FGD4: variants seen among roughly 807,000 people sequenced by gnomAD.
The protein encoded by FGD4 is FYVE, RhoGEF and PH domain containing 4.
Under a neutral mutation model 102.0 loss-of-function variants are expected in FGD4, and 42 were observed. That is an observed-to-expected ratio of 0.41 (90% CI 0.32 to 0.53). FGD4 has a LOEUF of 0.53. Among genes scored for constraint, FGD4 ranks in the 20% least tolerant of loss-of-function variants. The pLI is 0.21. For missense variants in FGD4, 902 were observed against 1,078.2 expected (o/e 0.84, Z 2.29); for synonymous variants, 380 against 375.7 (o/e 1.01, Z -0.13).
chr12:32,400,542 T>G (rs1361471814), intron 1 of FGD4, among the ~76,000 whole-genome samples: 1 of 152,242 alleles, frequency 6.6e-6, no homozygotes, highest in Non-Finnish European at 1.5e-5. Flanking sequence ...TAATGCGGTG[T>G]TTTGATTTCT....
intron 1 of FGD4, among the ~76,000 whole-genome samples, chr12:32,523,788 C>T (rs534396777): frequency 6.6e-6 from 1 of 151,720 alleles, no homozygotes; most frequent in African/African-American, 2.4e-5. Flanking sequence ...TCCTGGCTAA[C>T]ACGGTGAAAC....
At position 32,575,927 on chromosome 12, in the gene FGD4, A is replaced by G. The variant is rs73305550; in HGVS notation, c.320-339A>G. On this transcript the variant is annotated intron_variant, in intron 2 of 16. Transcript: ENST00000534526. ...AGGATTTAGTTTTAAATTTAGCATC[A>G]CCTTTTCCCTGTTGAGATGAATAAC... Among the ~76,000 whole-genome samples, 2,153 of 152,314 alleles carry G rather than the reference A, an allele frequency of 0.014. 46 individuals carry two copies. The highest frequency in any genetic ancestry group is 0.048 in the African/African-American group (1,999 of 41,560).
chr12:32,434,792 T>A (rs1272583308), intron 1 of FGD4, among the ~76,000 whole-genome samples: 1 of 152,238 alleles, frequency 6.6e-6, no homozygotes, highest in African/African-American at 2.4e-5. Flanking sequence ...CACAATGTGT[T>A]GAGGCACCAT....
chr12:32,540,579 T>TG (rs1565819731), intron 1 of FGD4, among the ~76,000 whole-genome samples: 3 of 150,918 alleles, frequency 2.0e-5, no homozygotes, highest in Admixed American at 6.6e-5. Context: ...TTTTTTTTTT[T>TG]TGTGAGACAG....
In FGD4 at chr12:32,634,091, T is replaced by A. The variant is rs940033987; in HGVS notation, c.2313+402T>A. Among the ~76,000 whole-genome samples, 3 of 152,250 alleles carry A rather than the reference T, an allele frequency of 2.0e-5. No individual in the cohort carries two copies. The East Asian group carries it at 5.8e-4, about 29-fold the overall frequency. The stretch of plus-strand genomic sequence containing the variant: ...CAATTTGTATAATGAGCAAGATTTA[T>A]GCTTTTGTTCTATTTTGCTGACTTT... On this transcript the variant is annotated intron_variant, in intron 15 of 16. Coordinates refer to ENST00000534526, the MANE Select transcript of FGD4 (RefSeq NM_001370298.3).
intron 4 of FGD4, among the ~76,000 whole-genome samples, chr12:32,596,671 C>T (rs778641231): frequency 2.0e-4 from 31 of 151,514 alleles, no homozygotes; most frequent in Admixed American, 4.6e-4. Context: ...CGCATTGGCT[C>T]ATGCCTGTAA....
At chr12:32,621,242 C>A (rs1949826126) in intron 11 of FGD4, among the ~76,000 whole-genome samples, 1 of 152,046 alleles carries the variant, frequency 6.6e-6, no homozygotes, top group South Asian at 2.1e-4. Context: ...CAGGCATGAT[C>A]CTGTTCCTGC....
intron 1 of FGD4, among the ~76,000 whole-genome samples, chr12:32,489,235 G>C (rs903967359): frequency 6.6e-6 from 1 of 152,154 alleles, no homozygotes; most frequent in African/African-American, 2.4e-5. Context: ...CTGGACTCCT[G>C]TCCAGGAGTT....
chr12:32,486,164 G>A (rs780054143), intron 1 of FGD4: 19 of 1,521,508 alleles, frequency 1.2e-5, no homozygotes, highest in Non-Finnish European at 1.6e-5. Context: ...TTTTGCAATT[G>A]CCATTTCTGA....
intron 1 of FGD4, among the ~76,000 whole-genome samples, chr12:32,520,329 T>G (rs1940371347): frequency 6.6e-6 from 1 of 152,210 alleles, no homozygotes; most frequent in Non-Finnish European, 1.5e-5. Flanking sequence ...GCATTTACCT[T>G]AAAAGATTTT....
intron 10 of FGD4, among the ~76,000 whole-genome samples, chr12:32,616,614 A>C (rs1565910545): frequency 6.6e-6 from 1 of 151,858 alleles, no homozygotes; most frequent in African/African-American, 2.4e-5. Flanking sequence ...CACCATTTTT[A>C]TTTTCTTTTC....
At chr12:32,573,027 A>G (rs934808373) in intron 2 of FGD4, among the ~76,000 whole-genome samples, 1 of 152,204 alleles carries the variant, frequency 6.6e-6, no homozygotes, top group Non-Finnish European at 1.5e-5. Flanking sequence ...GGTTGCTTCT[A>G]CCATCTGTTG....
chr12:32,533,429 T>G (rs1376946190), intron 1 of FGD4, among the ~76,000 whole-genome samples: 1 of 152,180 alleles, frequency 6.6e-6, no homozygotes, highest in Non-Finnish European at 1.5e-5. Flanking sequence ...TTCTTTTGTT[T>G]GTTTGTTTGT....
At chr12:32,572,645 T>A (rs534488099) in intron 2 of FGD4, among the ~76,000 whole-genome samples, 1 of 152,378 alleles carries the variant, frequency 6.6e-6, no homozygotes, top group South Asian at 2.1e-4. Flanking sequence ...CCTTCTTACA[T>A]AACTAATTTG....
chr12:32,631,433 T>C (rs1173062298), intron 14 of FGD4, among the ~76,000 whole-genome samples: 1 of 152,118 alleles, frequency 6.6e-6, no homozygotes. Context: ...TTATTCTTCC[T>C]ATTTTCCTCA....
intron 1 of FGD4, among the ~76,000 whole-genome samples, chr12:32,428,233 C>T (rs1446998867): frequency 1.3e-5 from 2 of 152,186 alleles, no homozygotes; most frequent in Admixed American, 6.5e-5. Flanking sequence ...GTGCTTCCTT[C>T]AGGAGCTCTT....
chr12:32,539,580 A>C (rs1294500006), intron 1 of FGD4, among the ~76,000 whole-genome samples: 1 of 152,140 alleles, frequency 6.6e-6, no homozygotes, highest in African/African-American at 2.4e-5. Context: ...AGGGGGGAAA[A>C]AAAAAAAAGC....
In FGD4 at chr12:32,641,125, T is replaced by G. The variant is rs1170481112; in HGVS notation, c.*592T>G. On this transcript the variant is annotated 3_prime_UTR_variant, in exon 17 of 17. Coordinates refer to ENST00000534526, the MANE Select transcript of FGD4 (RefSeq NM_001370298.3). The stretch of plus-strand genomic sequence containing the variant: ...TTGTAGAAATACTCCTAAGAATGTC[T>G]TAAGTATATAGCAATTATGTATATA... The G allele has an allele frequency of 1.3e-5, 2 of 155,722 alleles. No homozygotes were observed. Among genetic ancestry groups the G allele is most frequent in the Non-Finnish European group, 2.8e-5 (2 of 70,288 alleles). 9.6% of individuals were successfully genotyped at this position (155,722 alleles called of 1,614,324 possible). A position where few individuals can be genotyped will look rare whatever the true frequency, so the allele number is the denominator to read the frequency against.
chr12:32,554,459 A>G (rs1943938124), intron 1 of FGD4, among the ~76,000 whole-genome samples: 1 of 152,242 alleles, frequency 6.6e-6, no homozygotes, highest in South Asian at 2.1e-4. Context: ...CAAGGTCTCC[A>G]GAATTCATTT....
Sources: gnomAD v4.1 joint callset for allele counts (sites outside exome capture counted in the v4.1 genomes callset) on GRCh38, gnomAD v4.1.1 for gene constraint, MANE v1.5 for transcripts, NCBI Gene and HGNC (gene_info 2026-07-23, HGNC 2026-07-21) for gene names.